The following SOX5 variants were observed in gnomAD, a reference collection of about 807,000 sequenced individuals.
SOX5 encodes transcription factor SOX-5.
SOX5 carries 9 observed loss-of-function variants against 92.0 expected under a neutral mutation model. The observed-to-expected ratio is 0.10, with a 90% CI of 0.06 to 0.17. SOX5 has a LOEUF of 0.17. Among genes scored for constraint, SOX5 ranks in the 10% least tolerant of loss-of-function variants. The pLI is 1.00. For missense variants in SOX5, 642 were observed against 944.5 expected (o/e 0.68, Z 4.20); for synonymous variants, 344 against 336.3 (o/e 1.02, Z -0.25).
intron 3 of SOX5, among the ~76,000 whole-genome samples, chr12:23,772,006 C>T (rs2094949966): frequency 6.6e-6 from 1 of 152,104 alleles, no homozygotes; most frequent in South Asian, 2.1e-4. Context: ...CCAAAATGGA[C>T]GTCTCTCTCA....
At chr12:23,665,858 T>C (rs961642244) in intron 6 of SOX5, among the ~76,000 whole-genome samples, 1 of 152,104 alleles carries the variant, frequency 6.6e-6, no homozygotes, top group Non-Finnish European at 1.5e-5. Context: ...TGATAAGCCT[T>C]TTTCTTATTG....
At chr12:23,623,800 A>T (rs1006425780) in intron 8 of SOX5, among the ~76,000 whole-genome samples, 2 of 152,164 alleles carry the variant, frequency 1.3e-5, no homozygotes, top group Non-Finnish European at 2.9e-5. Flanking sequence ...AGAAACATAC[A>T]ATTACCACAT....
At chr12:23,837,939 A>G (rs1406732634) in intron 3 of SOX5, among the ~76,000 whole-genome samples, 1 of 120,236 alleles carries the variant, frequency 8.3e-6, no homozygotes, top group South Asian at 2.4e-4. Flanking sequence ...TATAATATAT[A>G]TTTATATTTA....
chr12:24,042,194 A>G (rs188751654), intron 4 of SOX5, among the ~76,000 whole-genome samples: 5 of 152,240 alleles, frequency 3.3e-5, no homozygotes, highest in Non-Finnish European at 7.4e-5. Context: ...GGACTAAAGA[A>G]ATATGCAAGG....
At chr12:23,904,002 A>T (rs1465225573) in intron 1 of SOX5, among the ~76,000 whole-genome samples, 1 of 152,236 alleles carries the variant, frequency 6.6e-6, no homozygotes, top group Non-Finnish European at 1.5e-5. Flanking sequence ...TTAATAAAAA[A>T]TATCAATTTC....
chr12:23,530,454 A>G lies in SOX5; in HGVS notation c.*3765T>C, dbSNP rs563050215. ...CTATAAAATAGCTTCACCACAGAAA[A>G]CTTTTTTATATTTGTTCTTTATAAG... On this transcript the variant is annotated 3_prime_UTR_variant, in exon 15 of 15. Coordinates refer to ENST00000451604, the MANE Select transcript of SOX5 (RefSeq NM_006940.6). The G allele has an allele frequency of 7.3e-5, 11 of 150,080 alleles. No individual in the cohort carries two copies. In the East Asian group the frequency reaches 1.0e-3, roughly 14 times the overall value. The allele number at this position is 150,080 out of a possible 1,614,324, so 9.3% of individuals were successfully genotyped here. A position where few individuals can be genotyped will look rare whatever the true frequency, so the allele number is the denominator to read the frequency against.
chr12:23,638,118 C>G (rs1239190769), intron 8 of SOX5: 1 of 152,130 alleles, frequency 6.6e-6, no homozygotes, highest in Non-Finnish European at 1.5e-5. Flanking sequence ...CTGGCCACCC[C>G]TCTCTTAACA....
chr12:24,127,390 C>CAATAATAATAATAATGATAATAAT (rs1565489299), intron 4 of SOX5, among the ~76,000 whole-genome samples: 4 of 123,752 alleles, frequency 3.2e-5, no homozygotes, highest in African/African-American at 1.2e-4. Context: ...GACCCTATCT[C>CAATAATAATAATAATGATAATAAT]AATAATAATA....
At chr12:23,826,231 G>A (rs2096231644) in intron 3 of SOX5, among the ~76,000 whole-genome samples, 1 of 145,244 alleles carries the variant, frequency 6.9e-6, no homozygotes, top group African/African-American at 2.6e-5. Context: ...GTGTCCATGT[G>A]TTCTCATTGT....
At chr12:24,444,287 TGTGTGTGTGTGTGTGTGC>T (rs1941121115) in intron 1 of SOX5, among the ~76,000 whole-genome samples, 2 of 151,910 alleles carry the variant, frequency 1.3e-5, no homozygotes, top group African/African-American at 2.4e-5. Flanking sequence ...TGTGTGTGTG[TGTGTGTGTGTGTGTGTGC>T]ACCCATGCAC....
At chr12:23,721,677 A>G (rs2092823255) in intron 6 of SOX5, among the ~76,000 whole-genome samples, 1 of 152,206 alleles carries the variant, frequency 6.6e-6, no homozygotes, top group African/African-American at 2.4e-5. Context: ...CAGTTTTTAC[A>G]GCAATATAAA....
In SOX5 at chr12:24,094,379, T is replaced by C. The variant is rs1451464585; in HGVS notation, c.-2+118964A>G. 2.2e-4 allele frequency among the ~76,000 whole-genome samples: 34 copies of C among 152,174 alleles called. 1 individual carries two copies. The highest frequency in any genetic ancestry group is 2.1e-3 in the Admixed American group (32 of 15,280). On this transcript the variant is annotated intron_variant, in intron 4 of 4. Coordinates refer to the SOX5 transcript ENST00000446891. ...TCTGTTTTGCTATTATGTTGTCTTTTACCTGCTGCAAAATTGTAAAGTTCT... is the reference window on the plus strand; with the variant it reads ...TCTGTTTTGCTATTATGTTGTCTTTCACCTGCTGCAAAATTGTAAAGTTCT...
intron 3 of SOX5, among the ~76,000 whole-genome samples, chr12:24,215,404 T>G (rs1019844585): frequency 6.6e-6 from 1 of 152,060 alleles, no homozygotes; most frequent in Non-Finnish European, 1.5e-5. Context: ...TTCAGTAAGG[T>G]TGCAGGATAG....
At chr12:23,750,337 G>A (rs754295602) in intron 4 of SOX5, among the ~76,000 whole-genome samples, 1 of 151,874 alleles carries the variant, frequency 6.6e-6, no homozygotes. Context: ...TAAGTGGCAG[G>A]CAATAAATCA....
At chr12:23,722,706 G>C (rs2092887468) in intron 6 of SOX5, among the ~76,000 whole-genome samples, 1 of 152,016 alleles carries the variant, frequency 6.6e-6, no homozygotes, top group Admixed American at 6.6e-5. Context: ...ACGTCTTTTA[G>C]TGCTCCTGAG....
rs575884598 is a variant in SOX5, at chr12:23,872,326, G to C, written c.270+23467C>G. On this transcript the variant is annotated intron_variant, in intron 2 of 14. Coordinates refer to ENST00000451604, the MANE Select transcript of SOX5 (RefSeq NM_006940.6). ...CCCACCCAGCCCATTTATTCTTACT[G>C]AATCTTTTGTACATGTTACATTTAT... Among the ~76,000 whole-genome samples, 5 of 151,744 alleles carry C rather than the reference G, an allele frequency of 3.3e-5. No individual in the cohort carries two copies. In the East Asian group the frequency reaches 5.9e-4, roughly 18 times the overall value.
intron 9 of SOX5, among the ~76,000 whole-genome samples, chr12:23,594,898 G>A (rs1301843807): frequency 6.6e-6 from 1 of 152,008 alleles, no homozygotes; most frequent in Non-Finnish European, 1.5e-5. Context: ...CTTTACAGGT[G>A]TCCTCCTTTT....
At chr12:24,333,885 T>A (rs550223214) in intron 2 of SOX5, among the ~76,000 whole-genome samples, 4 of 150,052 alleles carry the variant, frequency 2.7e-5, no homozygotes. Context: ...GGGAGAAACA[T>A]CTTGAATAAG....
At chr12:23,747,758 T>G (rs914232514) in intron 4 of SOX5, among the ~76,000 whole-genome samples, 23 of 152,010 alleles carry the variant, frequency 1.5e-4, no homozygotes, top group Admixed American at 7.2e-4. Flanking sequence ...TGCCCCGAAA[T>G]GCCTCCAGAC....
Sources: gnomAD v4.1 joint callset for allele counts (sites outside exome capture counted in the v4.1 genomes callset) on GRCh38, gnomAD v4.1.1 for gene constraint, MANE v1.5 for transcripts, NCBI Gene and HGNC (gene_info 2026-07-23, HGNC 2026-07-21) for gene names.